The following LUZP2 variants were observed in gnomAD, a reference collection of about 807,000 sequenced individuals.
LUZP2 encodes the protein leucine zipper protein 2.
In LUZP2, 52 loss-of-function variants were observed where a neutral mutation model predicts 51.6. The ratio of observed to expected loss-of-function variants is 1.01; its 90% confidence interval spans 0.81 to 1.27. The LOEUF (loss-of-function observed/expected upper bound fraction) is 1.27. Among genes scored for constraint, LUZP2 ranks in the 50% most tolerant of loss-of-function variants. The pLI, the probability that LUZP2 is intolerant of heterozygous loss-of-function variation, is 0.00. For missense variants in LUZP2, 436 were observed against 395.4 expected (o/e 1.10, Z -0.87); for synonymous variants, 154 against 137.3 (o/e 1.12, Z -0.85).
At chr11:24,970,192 A>G (rs1315243411) in intron 7 of LUZP2, among the ~76,000 whole-genome samples, 4 of 152,166 alleles carry the variant, frequency 2.6e-5, no homozygotes, top group African/African-American at 9.7e-5. Context: ...TCTTGGAACA[A>G]AATTTTCAGC....
At chr11:24,569,243 AC>A (rs1487725169) in intron 1 of LUZP2, among the ~76,000 whole-genome samples, 2 of 152,080 alleles carry the variant, frequency 1.3e-5, no homozygotes, top group Non-Finnish European at 2.9e-5. Context: ...CTATATAAAT[AC>A]GCTGTTATAC....
chr11:24,744,909 A>G (rs576625187), intron 4 of LUZP2, among the ~76,000 whole-genome samples: 1 of 152,148 alleles, frequency 6.6e-6, no homozygotes, highest in South Asian at 2.1e-4. Flanking sequence ...AGGTTGTGTC[A>G]TTATTGTCGT....
At chr11:24,588,985 C>T (rs1509596) in intron 1 of LUZP2, among the ~76,000 whole-genome samples, 150,196 of 152,210 alleles carry the variant, frequency 0.99, 74,127 homozygotes, top group East Asian at 1. Context: ...CTCTTCTTGC[C>T]GGTGGGGTGT....
chr11:25,072,071 A>G (rs1013427173), intron 10 of LUZP2, among the ~76,000 whole-genome samples: 10 of 152,034 alleles, frequency 6.6e-5, no homozygotes, highest in Admixed American at 1.3e-4. Flanking sequence ...AGTTGATTAA[A>G]TTAAAGCCCA....
At chr11:24,559,714 C>T (rs1274678417) in intron 1 of LUZP2, among the ~76,000 whole-genome samples, 3 of 152,068 alleles carry the variant, frequency 2.0e-5, no homozygotes, top group African/African-American at 7.2e-5. Context: ...AAATTTTCTC[C>T]TTAGAGCAGA....
intron 5 of LUZP2, among the ~76,000 whole-genome samples, chr11:24,862,699 A>T (rs1469880302): frequency 6.6e-6 from 1 of 152,198 alleles, no homozygotes; most frequent in East Asian, 1.9e-4. Context: ...CAATTTAAGA[A>T]ATAAAGAGAA....
chr11:24,561,261 A>G (rs75579040), intron 1 of LUZP2, among the ~76,000 whole-genome samples: 3,378 of 152,302 alleles, frequency 0.022, 112 homozygotes, highest in African/African-American at 0.061. Context: ...TAATAATTGC[A>G]GGTATCATAT....
chr11:24,800,490 G>A (rs547860170), intron 5 of LUZP2, among the ~76,000 whole-genome samples: 2 of 148,708 alleles, frequency 1.3e-5, no homozygotes, highest in Admixed American at 1.4e-4. Flanking sequence ...GAGATCTAGT[G>A]AATGCCAGGT....
chr11:24,870,954 A>G (rs1000964648), intron 5 of LUZP2, among the ~76,000 whole-genome samples: 1 of 152,052 alleles, frequency 6.6e-6, no homozygotes, highest in African/African-American at 2.4e-5. Flanking sequence ...TTTTGGTAGA[A>G]CATTTTTTTG....
intron 5 of LUZP2, among the ~76,000 whole-genome samples, chr11:24,847,003 T>A (rs1424799224): frequency 2.0e-5 from 3 of 151,750 alleles, no homozygotes; most frequent in African/African-American, 7.3e-5. Context: ...CAACACTCTC[T>A]CCATATATAT....
At chr11:24,842,721 T>C (rs1339032690) in intron 5 of LUZP2, among the ~76,000 whole-genome samples, 1 of 151,968 alleles carries the variant, frequency 6.6e-6, no homozygotes, top group Non-Finnish European at 1.5e-5. Flanking sequence ...TACCTAAACT[T>C]AACTATAATG....
chr11:24,850,248 T>C (rs1013557927), intron 5 of LUZP2, among the ~76,000 whole-genome samples: 4 of 152,226 alleles, frequency 2.6e-5, no homozygotes, highest in Non-Finnish European at 5.9e-5. Flanking sequence ...AGGAGTTTTA[T>C]GGTTTTAGGT....
Position 24,873,330 on chromosome 11 carries a change from G to C in LUZP2, c.397-32661G>C, listed in dbSNP as rs180867713. Reference sequence around the variant, plus strand: ...TTTCAAATTTTTGAAATAATTAGAAGAAAGTACATTCAGGATCACAGATCA... The same window carrying C: ...TTTCAAATTTTTGAAATAATTAGAACAAAGTACATTCAGGATCACAGATCA... On this transcript the variant is annotated intron_variant, in intron 5 of 11. Coordinates refer to ENST00000336930, the MANE Select transcript of LUZP2 (RefSeq NM_001009909.4). Among the ~76,000 whole-genome samples, 31 of 152,254 alleles carry C rather than the reference G, an allele frequency of 2.0e-4. 1 individual carries two copies. The highest frequency in any genetic ancestry group is 7.2e-4 in the African/African-American group (30 of 41,550).
At chr11:24,826,639 C>T (rs1266568744) in intron 5 of LUZP2, among the ~76,000 whole-genome samples, 1 of 151,706 alleles carries the variant, frequency 6.6e-6, no homozygotes. Context: ...TTTTCCACTG[C>T]AATATTCACT....
intron 10 of LUZP2, among the ~76,000 whole-genome samples, chr11:25,076,377 T>C (rs1859298802): frequency 6.6e-6 from 1 of 152,182 alleles, no homozygotes; most frequent in South Asian, 2.1e-4. Context: ...TCTTAGGCTC[T>C]GCCTTGCACG....
rs1856746066 is a variant in LUZP2, at chr11:24,681,829, A to G, written c.63-47340A>G. Reference sequence around the variant, plus strand: ...TACATTAGTTCAGCAAGCATCACAAATCTAATTTAATTGGATTTTATGGCA... The same window carrying G: ...TACATTAGTTCAGCAAGCATCACAAGTCTAATTTAATTGGATTTTATGGCA... On this transcript the variant is annotated intron_variant, in intron 1 of 11. Coordinates refer to ENST00000336930, the MANE Select transcript of LUZP2 (RefSeq NM_001009909.4). Among the ~76,000 whole-genome samples the G allele has an allele frequency of 2.6e-5, 4 of 152,268 alleles. No individual in the cohort carries two copies. In the South Asian group the frequency reaches 8.3e-4, roughly 32 times the overall value.
Position 25,079,825 on chromosome 11 carries a change from T to A in LUZP2, c.*1167T>A, listed in dbSNP as rs937549959. On this transcript the variant is annotated 3_prime_UTR_variant, in exon 12 of 12. Coordinates refer to ENST00000336930, the MANE Select transcript of LUZP2 (RefSeq NM_001009909.4). ...AACCTTTTTGCAACCGTAGAAAGCATATTAAACCATTGGTTTTGCAGGATG... is the reference window on the plus strand; with the variant it reads ...AACCTTTTTGCAACCGTAGAAAGCAAATTAAACCATTGGTTTTGCAGGATG... 1.3e-5 allele frequency: 2 copies of A among 152,182 alleles called. No individual in the cohort carries two copies. Among genetic ancestry groups the A allele is most frequent in the Non-Finnish European group, 2.9e-5 (2 of 68,010 alleles). 9.4% of individuals were successfully genotyped at this position (152,182 alleles called of 1,614,324 possible). A position where few individuals can be genotyped will look rare whatever the true frequency, so the allele number is the denominator to read the frequency against.
chr11:24,577,256 A>G, intron 1 of LUZP2, among the ~76,000 whole-genome samples: 1 of 152,238 alleles, frequency 6.6e-6, no homozygotes, highest in African/African-American at 2.4e-5. Flanking sequence ...TATTACTCAT[A>G]TTTTTTTAAA....
At chr11:25,030,034 A>T (rs528510997) in intron 9 of LUZP2, among the ~76,000 whole-genome samples, 1 of 152,272 alleles carries the variant, frequency 6.6e-6, no homozygotes, top group Admixed American at 6.5e-5. Context: ...CATTATTAAG[A>T]TTACTGACAT....
Sources: gnomAD v4.1 joint callset for allele counts (sites outside exome capture counted in the v4.1 genomes callset) on GRCh38, gnomAD v4.1.1 for gene constraint, MANE v1.5 for transcripts, NCBI Gene and HGNC (gene_info 2026-07-23, HGNC 2026-07-21) for gene names.